ATG7: variants seen among roughly 807,000 people sequenced by gnomAD.
ATG7 encodes ubiquitin-like modifier-activating enzyme ATG7.
ATG7 carries 70 observed loss-of-function variants against 82.4 expected under a neutral mutation model. The observed-to-expected ratio is 0.85, with a 90% CI of 0.70 to 1.04. The LOEUF (loss-of-function observed/expected upper bound fraction) is 1.04. Ranked by LOEUF, ATG7 falls within the 50% of genes least tolerant of loss-of-function variation. The pLI is 0.00. For missense variants in ATG7, 792 were observed against 864.3 expected (o/e 0.92, Z 1.05); for synonymous variants, 287 against 313.0 (o/e 0.92, Z 0.88).
chr3:11,553,674 C>T (rs1001827712), intron 20 of ATG7, among the ~76,000 whole-genome samples: 2 of 152,158 alleles, frequency 1.3e-5, no homozygotes, highest in Non-Finnish European at 2.9e-5. Flanking sequence ...ATCTAGACCT[C>T]GCTTGGCAGT....
At chr3:11,559,447 G>C, downstream of ATG7, 11 of 1,564,646 alleles carry the variant, frequency 7.0e-6, no homozygotes, top group Non-Finnish European at 9.5e-6. Flanking sequence ...TGATCACGGA[G>C]GGCCGGTTCT....
Position 11,307,007 on chromosome 3 carries a change from G to C in ATG7, c.280G>C (p.Glu94Gln). The C allele has an allele frequency of 6.2e-7, 1 of 1,613,982 alleles. No homozygotes were observed. Among genetic ancestry groups the C allele is most frequent in the African/African-American group, 1.3e-5 (1 of 74,968 alleles). ...IGTLYNTNTL[E>Q]SFKTADKKLL... ...AACACTGTATAACACCAACACACTCGAGTCTTTCAAGACTGCAGATAAGAA... is the reference window on the plus strand; with the variant it reads ...AACACTGTATAACACCAACACACTCCAGTCTTTCAAGACTGCAGATAAGAA... Residue 94 changes from glutamate (E) to glutamine (Q), a missense_variant, in exon 6 of 21, where the codon GAG becomes CAG. Coordinates refer to ENST00000693202, the MANE Select transcript of ATG7 (RefSeq NM_001349232.2).
At chr3:11,546,162 ATTTTTTTT>A (rs36042370) in intron 20 of ATG7, among the ~76,000 whole-genome samples, 4 of 68,858 alleles carry the variant, frequency 5.8e-5, no homozygotes, top group African/African-American at 1.8e-4. Context: ...CCAAAACTGG[ATTTTTTTT>A]TTTTTTTTTT....
intron 20 of ATG7, among the ~76,000 whole-genome samples, chr3:11,484,042 G>A (rs937625078): frequency 6.6e-6 from 1 of 152,138 alleles, no homozygotes; most frequent in Non-Finnish European, 1.5e-5. Flanking sequence ...TGTATTATAT[G>A]GGTAGTATTG....
chr3:11,566,224 G>A, the ATG7 span, among the ~76,000 whole-genome samples: 10 of 151,570 alleles, frequency 6.6e-5, no homozygotes, highest in East Asian at 3.9e-4. Flanking sequence ...TTACACACAC[G>A]CACACCACAC....
chr3:11,506,160 G>A (rs559553902), intron 20 of ATG7, among the ~76,000 whole-genome samples: 6 of 152,124 alleles, frequency 3.9e-5, no homozygotes, highest in Non-Finnish European at 5.9e-5. Flanking sequence ...GTCCAGGTAC[G>A]TTTGTGTATT....
intron 20 of ATG7, among the ~76,000 whole-genome samples, chr3:11,498,112 T>C (rs941403045): frequency 6.6e-6 from 1 of 152,208 alleles, no homozygotes; most frequent in Non-Finnish European, 1.5e-5. Context: ...CAATCCAGTA[T>C]TCTTCCTCCT....
intron 20 of ATG7, among the ~76,000 whole-genome samples, chr3:11,549,230 T>G (rs1302282475): frequency 6.6e-6 from 1 of 152,232 alleles, no homozygotes; most frequent in East Asian, 1.9e-4. Flanking sequence ...GTATGATGTC[T>G]TCTGTGTTAG....
chr3:11,405,905 C>T (rs192181108), intron 19 of ATG7, among the ~76,000 whole-genome samples: 8 of 152,248 alleles, frequency 5.3e-5, no homozygotes, highest in Admixed American at 5.2e-4. Context: ...AGGCATGATG[C>T]CTGTAATCCC....
chr3:11,299,474 A>G, intron 5 of ATG7, 58 bp downstream of exon 5: 2 of 1,517,026 alleles, frequency 1.3e-6, no homozygotes, highest in East Asian at 4.5e-5. Flanking sequence ...GCAAGGAATA[A>G]GCATGCTTGC....
chr3:11,478,989 A>AAC (rs71628717), intron 20 of ATG7, among the ~76,000 whole-genome samples: 4,728 of 72,776 alleles, frequency 0.065, 107 homozygotes, highest in Non-Finnish European at 0.071. Context: ...GTATATTTAC[A>AAC]ACACACACAC....
chr3:11,530,321 G>A (rs1306279909), intron 20 of ATG7, among the ~76,000 whole-genome samples: 2 of 152,176 alleles, frequency 1.3e-5, no homozygotes, highest in Non-Finnish European at 2.9e-5. Flanking sequence ...TCCCTGTGCT[G>A]TTAGCAGGCT....
the ATG7 span, chr3:11,568,638 C>G: frequency 6.4e-7 from 1 of 1,568,898 alleles, no homozygotes; most frequent in Non-Finnish European, 8.7e-7. The surrounding 1 kb of genome is among the most constrained non-coding windows in gnomAD (Gnocchi z 5.9). Context: ...CCCGGAGCTT[C>G]AAGACAGACA....
At chr3:11,332,531 G>C (rs1401276484) in intron 10 of ATG7, among the ~76,000 whole-genome samples, 2 of 152,168 alleles carry the variant, frequency 1.3e-5, no homozygotes. Context: ...TATCCAGGTG[G>C]TAAGTCTACA....
At chr3:11,445,377 AAAG>A (rs1465999422) in intron 20 of ATG7, among the ~76,000 whole-genome samples, 35 of 152,204 alleles carry the variant, frequency 2.3e-4, no homozygotes, top group Admixed American at 2.3e-3. Flanking sequence ...CAGCCATAAA[AAAG>A]AAGATCATGG....
chr3:11,391,794 A>T (rs1457939147), intron 19 of ATG7, among the ~76,000 whole-genome samples: 3 of 152,168 alleles, frequency 2.0e-5, no homozygotes, highest in Non-Finnish European at 4.4e-5. Context: ...TGAATTGGCT[A>T]GCAAGAGCGC....
chr3:11,320,170 T>G (rs1482418545), intron 9 of ATG7, among the ~76,000 whole-genome samples: 1 of 151,840 alleles, frequency 6.6e-6, no homozygotes, highest in Non-Finnish European at 1.5e-5. Flanking sequence ...TACCCCTCCC[T>G]CCCCCTACCT....
At chr3:11,303,154 T>C (rs923315137) in intron 5 of ATG7, among the ~76,000 whole-genome samples, 3 of 152,080 alleles carry the variant, frequency 2.0e-5, no homozygotes, top group Non-Finnish European at 2.9e-5. Flanking sequence ...TGCAAACAGG[T>C]GGAAGAGACA....
chr3:11,503,750 T>G (rs2091507458), intron 20 of ATG7, among the ~76,000 whole-genome samples: 1 of 97,512 alleles, frequency 1.0e-5, no homozygotes. Context: ...ACCGAGACTC[T>G]GTCTCAAAAA....
Sources: allele counts gnomAD v4.1 joint callset (sites outside exome capture counted in the v4.1 genomes callset), GRCh38; gene constraint gnomAD v4.1.1; non-coding constraint Gnocchi (gnomAD v3.1); transcripts MANE v1.5; gene names NCBI Gene and HGNC (gene_info 2026-07-23, HGNC 2026-07-21).